Variants in PLEKHH2 observed in about 807,000 individuals in gnomAD.
The protein encoded by PLEKHH2 is pleckstrin homology, MyTH4 and FERM domain containing H2, also known as pleckstrin homology domain-containing family H member 2.
In PLEKHH2, 129 loss-of-function variants were observed where a neutral mutation model predicts 187.9. The observed-to-expected ratio is 0.69, with a 90% CI of 0.59 to 0.79. PLEKHH2 has a LOEUF of 0.79. PLEKHH2 is among the 30% of genes least tolerant of loss of function. The pLI is 0.00. For missense variants in PLEKHH2, 2,076 were observed against 1,751.2 expected, an observed-to-expected ratio of 1.19 and a Z score of -3.31; for synonymous variants, 686 against 605.6, an observed-to-expected ratio of 1.13 and a Z score of -1.95.
intron 15 of PLEKHH2, among the ~76,000 whole-genome samples, chr2:43,714,375 T>C (rs1670113370): frequency 6.6e-6 from 1 of 152,216 alleles, no homozygotes; most frequent in Non-Finnish European, 1.5e-5. Flanking sequence ...CCAGGATGCT[T>C]ATTAAGTTTC....
intron 27 of PLEKHH2, 93 bp from the exon 28 acceptor site, chr2:43,762,211 T>A: frequency 1.0e-6 from 1 of 975,494 alleles, no homozygotes; most frequent in South Asian, 1.6e-5. Flanking sequence ...TTATTGTTGT[T>A]TAATGGCAAA....
rs376650437 is a variant in PLEKHH2 at position 43,745,983 on chromosome 2, G to C, written c.3653+20G>C. On this transcript the variant is annotated intron_variant, in intron 24 of 29. Transcript: ENST00000282406. ...AAACAGGTGTGTAATACTGCATCCAGATGCCAAAGTATGAGTATACAATAT... is the reference window on the plus strand; with the variant it reads ...AAACAGGTGTGTAATACTGCATCCACATGCCAAAGTATGAGTATACAATAT... 2.0e-6 allele frequency: 3 copies of C among 1,512,724 alleles called. No homozygotes were observed. The African/African-American group carries it at 4.1e-5, about 21-fold the overall frequency. The allele number at this position is 1,512,724 out of a possible 1,614,324, so 93.7% of individuals were successfully genotyped here. A position where few individuals can be genotyped will look rare whatever the true frequency, so the allele number is the denominator to read the frequency against.
At position 43,678,863 on chromosome 2, in the gene PLEKHH2, A is replaced by T. The variant is rs767539262; in HGVS notation, c.124A>T (p.Met42Leu). Residue 42 changes from methionine to leucine, a missense_variant and splice_region_variant, in exon 3 of 30, where the codon ATG (methionine) becomes TTG (leucine). Physicochemically the swap from Met to Leu is conservative, Grantham distance 15. Transcript: ENST00000282406. Reference sequence around the variant, plus strand: ...ATTTATATTTTCCCTCACTCTACAGATGCAACAGCTTGAGAGACAAGTTAT... The same window carrying T: ...ATTTATATTTTCCCTCACTCTACAGTTGCAACAGCTTGAGAGACAAGTTAT... ...SKIRELLAEKMQQLERQVIDA... is the reference protein window; with the variant it reads ...SKIRELLAEKLQQLERQVIDA... 3 of 1,599,560 alleles carry T rather than the reference A, an allele frequency of 1.9e-6. No individual in the cohort carries two copies. Among genetic ancestry groups the T allele is most frequent in the Non-Finnish European group, 2.6e-6 (3 of 1,169,802 alleles).
chr2:43,676,148 C>G, intron 2 of PLEKHH2: 12 of 1,614,002 alleles, frequency 7.4e-6, no homozygotes, highest in Non-Finnish European at 1.0e-5. Flanking sequence ...AAGAGTATCA[C>G]TTTTGAAGTG....
intron 2 of PLEKHH2, among the ~76,000 whole-genome samples, chr2:43,669,468 A>T (rs1332932527): frequency 6.6e-6 from 1 of 152,240 alleles, no homozygotes; most frequent in Non-Finnish European, 1.5e-5. Context: ...CATGTGTATT[A>T]TATCTCGACT....
chr2:43,702,034 G>T (rs1302350408), intron 8 of PLEKHH2, among the ~76,000 whole-genome samples: 3 of 152,182 alleles, frequency 2.0e-5, no homozygotes, highest in Non-Finnish European at 4.4e-5. Flanking sequence ...CTCCCAAAGT[G>T]CTGGGATTAC....
intron 3 of PLEKHH2, among the ~76,000 whole-genome samples, chr2:43,685,059 CTAAG>C (rs1172987851): frequency 2.6e-5 from 4 of 152,220 alleles, no homozygotes; most frequent in African/African-American, 9.6e-5. Context: ...CTTTGCAAGA[CTAAG>C]TGTTAATAAC....
intron 2 of PLEKHH2, among the ~76,000 whole-genome samples, chr2:43,678,399 C>T (rs1667974894): frequency 6.6e-6 from 1 of 152,144 alleles, no homozygotes. Flanking sequence ...GATCACGCCA[C>T]TGCACTCCAG....
intron 6 of PLEKHH2, 112 bp from the exon 7 acceptor site, chr2:43,697,059 C>A: frequency 1.2e-6 from 1 of 821,792 alleles, no homozygotes; most frequent in Non-Finnish European, 1.8e-6. Flanking sequence ...GAACTTTAGG[C>A]TTTTTTTCTG....
chr2:43,694,289 A>G (rs1194645904), intron 4 of PLEKHH2, 142 bp from the exon 5 acceptor site: 2 of 990,820 alleles, frequency 2.0e-6, no homozygotes, highest in Non-Finnish European at 2.8e-6. Flanking sequence ...TTTTTCTTTT[A>G]AAAACCTATT....
chr2:43,670,787 T>C (rs934051089), intron 2 of PLEKHH2, among the ~76,000 whole-genome samples: 2 of 152,176 alleles, frequency 1.3e-5, no homozygotes, highest in East Asian at 1.9e-4. Context: ...TAATATCGAG[T>C]CTTCTGACTC....
chr2:43,641,895 G>T (rs1665951762), intron 1 of PLEKHH2, among the ~76,000 whole-genome samples: 1 of 152,280 alleles, frequency 6.6e-6, no homozygotes. Flanking sequence ...GTATAGCTTT[G>T]TAGTAAGTTT....
At chr2:43,728,547 G>T (rs1258899578) in intron 17 of PLEKHH2, among the ~76,000 whole-genome samples, 6 of 142,622 alleles carry the variant, frequency 4.2e-5, no homozygotes, top group Non-Finnish European at 7.6e-5. Flanking sequence ...TGTATAGTTT[G>T]TTCAACACAA....
At chr2:43,668,829 C>G (rs1291000829) in intron 2 of PLEKHH2, among the ~76,000 whole-genome samples, 1 of 152,176 alleles carries the variant, frequency 6.6e-6, no homozygotes, top group Non-Finnish European at 1.5e-5. Context: ...AATAATAAAA[C>G]AACTCTTCAA....
At chr2:43,729,344 T>C (rs1261070101) in intron 17 of PLEKHH2, among the ~76,000 whole-genome samples, 4 of 152,210 alleles carry the variant, frequency 2.6e-5, no homozygotes, top group Non-Finnish European at 5.9e-5. Flanking sequence ...TGTAAAAGAA[T>C]ATCAGCTGGT....
intron 27 of PLEKHH2, among the ~76,000 whole-genome samples, chr2:43,761,335 T>C (rs1672420134): frequency 6.6e-6 from 1 of 152,066 alleles, no homozygotes; most frequent in Non-Finnish European, 1.5e-5. Flanking sequence ...AGTTGGGTTC[T>C]AGTGGTAGGA....
intron 24 of PLEKHH2, among the ~76,000 whole-genome samples, chr2:43,753,150 T>C (rs937787470): frequency 6.6e-6 from 1 of 152,198 alleles, no homozygotes; most frequent in Non-Finnish European, 1.5e-5. Flanking sequence ...ATACATTCCT[T>C]GCAAGAGAGG....
At chr2:43,641,332 C>T (rs1665909693) in intron 1 of PLEKHH2, among the ~76,000 whole-genome samples, 1 of 152,116 alleles carries the variant, frequency 6.6e-6, no homozygotes, top group South Asian at 2.1e-4. Context: ...ATCTAAGAAT[C>T]TGTTGCCTAA....
chr2:43,708,180 A>G (rs1202048136), intron 11 of PLEKHH2, among the ~76,000 whole-genome samples: 1 of 152,090 alleles, frequency 6.6e-6, no homozygotes, highest in African/African-American at 2.4e-5. Context: ...TCATATTTTG[A>G]GCTTCCACTG....
Sources: gnomAD v4.1 joint callset for allele counts (sites outside exome capture counted in the v4.1 genomes callset) on GRCh38, gnomAD v4.1.1 for gene constraint, MANE v1.5 for transcripts, NCBI Gene and HGNC (gene_info 2026-07-23, HGNC 2026-07-21) for gene names.